Variants in FERMT2 observed in about 807,000 individuals in gnomAD.
The protein encoded by FERMT2 is FERM domain containing kindlin 2, also known as fermitin family homolog 2.
In FERMT2, 15 loss-of-function variants were observed where a neutral mutation model predicts 82.7. That is an observed-to-expected ratio of 0.18 (90% CI 0.12 to 0.28). The LOEUF (loss-of-function observed/expected upper bound fraction) is 0.28, where lower values mean the gene tolerates loss of function less well. Ranked by LOEUF, FERMT2 falls within the 10% of genes least tolerant of loss-of-function variation. The pLI is 1.00. For synonymous variants in FERMT2, 274 were observed against 271.5 expected, an observed-to-expected ratio of 1.01 and a Z score of -0.09; for missense variants, 645 against 809.4, an observed-to-expected ratio of 0.80 and a Z score of 2.46.
chr14:52,927,371 G>A (rs1889330785), intron 2 of FERMT2, among the ~76,000 whole-genome samples: 1 of 151,980 alleles, frequency 6.6e-6, no homozygotes, highest in African/African-American at 2.4e-5. Flanking sequence ...TAGAAAATAT[G>A]AGCACAGAGA....
chr14:52,869,902 G>A (rs537148720), intron 10 of FERMT2, among the ~76,000 whole-genome samples: 2 of 152,108 alleles, frequency 1.3e-5, no homozygotes, highest in Admixed American at 6.5e-5. Flanking sequence ...CCAATCTCGT[G>A]GAGGCCTAGG....
At chr14:52,883,200 A>G (rs1466571682) in intron 4 of FERMT2, among the ~76,000 whole-genome samples, 1 of 152,128 alleles carries the variant, frequency 6.6e-6, no homozygotes, top group Admixed American at 6.5e-5. Context: ...AAATCCGAAC[A>G]CTGTTAATCC....
intron 10 of FERMT2, among the ~76,000 whole-genome samples, chr14:52,869,782 A>G (rs529177808): frequency 6.6e-6 from 1 of 152,282 alleles, no homozygotes; most frequent in Non-Finnish European, 1.5e-5. Flanking sequence ...GGGGTATTCC[A>G]GAAGAAGGCA....
chr14:52,926,021 T>A (rs1456421711), intron 2 of FERMT2, among the ~76,000 whole-genome samples: 1 of 152,152 alleles, frequency 6.6e-6, no homozygotes, highest in Admixed American at 6.5e-5. Context: ...GCAAGTTAAA[T>A]CATAACAGAC....
intron 2 of FERMT2, among the ~76,000 whole-genome samples, chr14:52,924,419 CTG>C (rs1350178289): frequency 2.0e-5 from 1 of 51,098 alleles, no homozygotes; most frequent in Non-Finnish European, 4.5e-5. Flanking sequence ...GAACAGCTGT[CTG>C]TATTTTTTTT....
chr14:52,903,515 G>C (rs1219015675), intron 3 of FERMT2, among the ~76,000 whole-genome samples: 1 of 151,466 alleles, frequency 6.6e-6, no homozygotes, highest in Non-Finnish European at 1.5e-5. Context: ...TCCAGCCTGG[G>C]CAACAGAGCA....
intron 4 of FERMT2, among the ~76,000 whole-genome samples, chr14:52,892,166 G>GTTTTTTTTTTTTTTTT (rs10547747): frequency 1.6e-5 from 2 of 128,862 alleles, no homozygotes; most frequent in African/African-American, 5.8e-5. Context: ...GCTGTTTTTT[G>GTTTTTTTTTTTTTTTT]TTTTTTTTTT....
chr14:52,868,364 C>T (rs951385999), intron 10 of FERMT2, among the ~76,000 whole-genome samples: 1 of 152,018 alleles, frequency 6.6e-6, no homozygotes, highest in Non-Finnish European at 1.5e-5. Context: ...CCGATGAAGT[C>T]TCTCCATCCT....
At chr14:52,879,839 G>C (rs371977099) in intron 6 of FERMT2, among the ~76,000 whole-genome samples, 14 of 152,244 alleles carry the variant, frequency 9.2e-5, no homozygotes, top group Admixed American at 3.3e-4. Context: ...GGGGAAAAAA[G>C]CTCCAGATAT....
Position 52,858,471 on chromosome 14 carries a change from A to G in FERMT2, c.1949T>C (p.Ile650Thr). The G allele has an allele frequency of 6.2e-7, 1 of 1,614,164 alleles. No homozygotes were observed. Among genetic ancestry groups the G allele is most frequent in the Non-Finnish European group, 8.5e-7 (1 of 1,180,000 alleles). Residue 650 changes from isoleucine to threonine, a missense_variant, in exon 15 of 15, where the codon ATT becomes ACT. Physicochemically the swap from Ile to Thr is moderately conservative, Grantham distance 89. Transcript: ENST00000341590. ...TGTTGAGAGAAATATGTAGCCACCA[A>G]TGAATTCATGAACCACTTTGCAATC... ...EVDCKVVHEF[I>T]GGYIFLSTRA...
Position 52,878,592 on chromosome 14 carries a change from G to A in FERMT2, c.953C>T (p.Ala318Val). 1.9e-6 allele frequency: 3 copies of A among 1,606,716 alleles called. No homozygotes were observed. The highest frequency in any genetic ancestry group is 2.6e-6 in the Non-Finnish European group (3 of 1,175,224). ...AGACCTTTCAACTACCTGCAGGGCT[G>A]CAAACATCATCATTTCTTCTTCTGT... ...ECTEEEMMMF[A>V]ALQYHINKLS... Residue 318 changes from alanine to valine, a missense_variant, in exon 7 of 15, where the codon GCA (alanine) becomes GTA (valine). Ala to Val is a moderately conservative substitution (Grantham distance 64). Transcript: ENST00000341590.
chr14:52,905,974 TTTTA>T (rs1336967149), intron 3 of FERMT2, among the ~76,000 whole-genome samples: 4 of 152,222 alleles, frequency 2.6e-5, no homozygotes, highest in African/African-American at 9.7e-5. Context: ...TACTCTCCTG[TTTTA>T]TTTAAACAAT....
At chr14:52,898,714 G>C (rs527966699) in intron 3 of FERMT2, among the ~76,000 whole-genome samples, 1 of 125,946 alleles carries the variant, frequency 7.9e-6, no homozygotes, top group Non-Finnish European at 1.8e-5. Context: ...ACATTAAGTG[G>C]AGGCAGGGTG....
At chr14:52,859,762 A>G (rs768210015) in intron 13 of FERMT2, 48 bp from the exon 14 acceptor site, 1 of 1,164,890 alleles carries the variant, frequency 8.6e-7, no homozygotes, top group South Asian at 1.6e-5. Context: ...GTGGGGGAAC[A>G]TGTTGGACTG....
chr14:52,943,532 A>G (rs1415127789), intron 2 of FERMT2, among the ~76,000 whole-genome samples: 1 of 152,236 alleles, frequency 6.6e-6, no homozygotes, highest in Non-Finnish European at 1.5e-5. Flanking sequence ...GCAAATTTTG[A>G]AAATGGATGC....
chr14:52,873,963 T>C lies in FERMT2; in HGVS notation c.1148+214A>G, dbSNP rs191641107. Among the ~76,000 whole-genome samples the C allele has an allele frequency of 8.8e-3, 1,346 of 152,192 alleles. 30 individuals are homozygous for C. The highest frequency in any genetic ancestry group is 0.051 in the Admixed American group (782 of 15,266). On this transcript the variant is annotated intron_variant, in intron 9 of 14. Coordinates refer to ENST00000341590, the MANE Select transcript of FERMT2 (RefSeq NM_006832.3). ...GTTTCACAATCTTTTTTTTTTTTTT[T>C]TAAAGAAAAATCTGATAAAAGAATG...
intron 2 of FERMT2, among the ~76,000 whole-genome samples, chr14:52,940,936 T>C (rs940692139): frequency 1.1e-4 from 16 of 152,298 alleles, no homozygotes; most frequent in African/African-American, 3.1e-4. Flanking sequence ...CAGTTTCTTC[T>C]AACTTCAAGC....
intron 3 of FERMT2, among the ~76,000 whole-genome samples, chr14:52,894,425 A>G (rs1887134554): frequency 6.6e-6 from 1 of 152,200 alleles, no homozygotes; most frequent in African/African-American, 2.4e-5. Context: ...GACAGATTGT[A>G]AAATTTATAT....
chr14:52,893,228 C>A, intron 4 of FERMT2, 65 bp downstream of exon 4: 2 of 1,415,568 alleles, frequency 1.4e-6, no homozygotes, highest in South Asian at 1.6e-5. Context: ...TACCCACCAC[C>A]AGAAAGACAA....
Sources: allele counts gnomAD v4.1 joint callset (sites outside exome capture counted in the v4.1 genomes callset), GRCh38; gene constraint gnomAD v4.1.1; transcripts MANE v1.5; gene names NCBI Gene and HGNC (gene_info 2026-07-23, HGNC 2026-07-21).